Variants in RB1CC1 observed in about 807,000 individuals in gnomAD.
RB1CC1 encodes RB1-inducible coiled-coil protein 1.
RB1CC1 carries 46 observed loss-of-function variants against 177.5 expected under a neutral mutation model. That is an observed-to-expected ratio of 0.26 (90% confidence interval 0.20 to 0.33). The LOEUF (loss-of-function observed/expected upper bound fraction) is 0.33. Among genes scored for constraint, RB1CC1 ranks in the 10% least tolerant of loss-of-function variants. The probability of loss-of-function intolerance (pLI) is 1.00; values close to 1 mark genes in which losing one functional copy is unlikely to be tolerated. For synonymous variants in RB1CC1, 666 were observed against 613.6 expected, an observed-to-expected ratio of 1.09 and a Z score of -1.26; for missense variants, 1,703 against 1,816.3, an observed-to-expected ratio of 0.94 and a Z score of 1.13.
At chr8:52,689,293 A>G (rs945669995) in intron 1 of RB1CC1, among the ~76,000 whole-genome samples, 2 of 152,208 alleles carry the variant, frequency 1.3e-5, no homozygotes, top group Non-Finnish European at 2.9e-5. Flanking sequence ...AAGACATACG[A>G]ACATCAGCAA....
At position 52,664,611 on chromosome 8, in the gene RB1CC1, T is replaced by G. The variant is rs185280800; in HGVS notation, c.1174-2892A>C. On this transcript the variant is annotated intron_variant, in intron 8 of 23. Coordinates refer to ENST00000025008, the MANE Select transcript of RB1CC1 (RefSeq NM_014781.5). ...TCTATGAGCACAAGACAACAAAAAC[T>G]AATTTTGTAATATCCATAGGAACAG... Among the ~76,000 whole-genome samples the G allele has an allele frequency of 3.3e-4, 51 of 152,302 alleles. 1 individual carries two copies. In the East Asian group the frequency reaches 3.7e-3, roughly 11 times the overall value.
intron 1 of RB1CC1, among the ~76,000 whole-genome samples, chr8:52,702,093 C>T (rs1322810899): frequency 6.6e-6 from 1 of 152,186 alleles, no homozygotes; most frequent in Non-Finnish European, 1.5e-5. Context: ...CAGGCGTGAG[C>T]CACCTTGCAC....
chr8:52,633,731 G>A (rs1848925981), intron 20 of RB1CC1, among the ~76,000 whole-genome samples: 2 of 152,088 alleles, frequency 1.3e-5, no homozygotes, highest in Non-Finnish European at 2.9e-5. Flanking sequence ...CATATAATTG[G>A]CTGTAAAATG....
At chr8:52,661,437 C>T (rs1410845073) in intron 9 of RB1CC1, 98 bp downstream of exon 9, 2 of 1,451,954 alleles carry the variant, frequency 1.4e-6, no homozygotes, top group Non-Finnish European at 1.9e-6. Flanking sequence ...TAAGGTATTT[C>T]AATAAAATGG....
chr8:52,660,886 T>C, intron 11 of RB1CC1, 40 bp downstream of exon 11: 1 of 1,532,464 alleles, frequency 6.5e-7, no homozygotes, highest in South Asian at 1.2e-5. Context: ...AAAACTTTTA[T>C]CCTTTACAAA....
At chr8:52,695,845 T>C (rs114737964) in intron 1 of RB1CC1, among the ~76,000 whole-genome samples, 198 of 152,308 alleles carry the variant, frequency 1.3e-3, no homozygotes, top group African/African-American at 4.7e-3. Flanking sequence ...AGTGCTTTCC[T>C]TCGTTCCCTG....
intron 16 of RB1CC1, among the ~76,000 whole-genome samples, chr8:52,643,880 T>G (rs990135939): frequency 6.6e-6 from 1 of 151,830 alleles, no homozygotes; most frequent in Non-Finnish European, 1.5e-5. Flanking sequence ...ATGCTGGCAA[T>G]AGGGAGATTT....
chr8:52,684,036 A>C, intron 3 of RB1CC1, 23 bp from the exon 4 acceptor site: 5 of 1,602,888 alleles, frequency 3.1e-6, no homozygotes, highest in Non-Finnish European at 4.3e-6. Context: ...AAATAAAATA[A>C]ATCAGTTGTT....
At position 52,656,250 on chromosome 8, in the gene RB1CC1, T is replaced by C. The variant is rs751588507; in HGVS notation, c.3579A>G (p.Gln1193=). Residue 1193 remains glutamine, a synonymous_variant, in exon 15 of 24, where the codon CAA becomes CAG. Transcript: ENST00000025008. The part of the protein sequence containing the change: ...LDSELSALER[Q]KDEKITQQEE... ...CTTGTTGGGTAATTTTTTCATCTTT[T>C]TGTCTTTCAAGAGCACTCAATTCTG... is the stretch of plus-strand genomic sequence containing the variant. 1 of 1,613,326 alleles carries C rather than the reference T, an allele frequency of 6.2e-7. No individual in the cohort carries two copies. Among genetic ancestry groups the C allele is most frequent in the Non-Finnish European group, 8.5e-7 (1 of 1,179,808 alleles).
At chr8:52,697,497 GGAT>G in intron 1 of RB1CC1, among the ~76,000 whole-genome samples, 1 of 152,094 alleles carries the variant, frequency 6.6e-6, no homozygotes, top group East Asian at 1.9e-4. Context: ...ACTTTTGTTT[GGAT>G]GATAATGGCA....
chr8:52,689,007 C>T (rs1429599966), intron 1 of RB1CC1, among the ~76,000 whole-genome samples: 1 of 152,154 alleles, frequency 6.6e-6, no homozygotes, highest in Non-Finnish European at 1.5e-5. Flanking sequence ...ATCTCAGCCG[C>T]CTTACCTTTG....
chr8:52,672,165 A>G (rs1256585703), intron 7 of RB1CC1, among the ~76,000 whole-genome samples: 2 of 152,168 alleles, frequency 1.3e-5, no homozygotes, highest in South Asian at 2.1e-4. Context: ...TTCATTATTT[A>G]GAGATAGAGT....
In RB1CC1 at chr8:52,656,167, C is replaced by G. The variant is rs1452973602; in HGVS notation, c.3662G>C (p.Ser1221Thr). ...CTGTTCTCTGTCTTGCTCCTGGCTG[C>G]TGACCAATTTTTGTCTGTCTTTCTC... is the stretch of plus-strand genomic sequence containing the variant. ...NLEKDRQKLV[S>T]SQEQDREQLI... is the part of the protein sequence containing the mutation. The change falls in exon 15 of 24, where the codon AGC becomes ACC. Residue 1221 changes from serine (S) to threonine (T), a missense_variant. Ser to Thr is a moderately conservative substitution (Grantham distance 58, BLOSUM62 1). Transcript: ENST00000025008. 6.2e-7 allele frequency: 1 copy of G among 1,613,648 alleles called. No individual in the cohort carries two copies. The highest frequency in any genetic ancestry group is 8.5e-7 in the Non-Finnish European group (1 of 1,179,854).
chr8:52,652,179 T>A (rs1369474126), intron 15 of RB1CC1, among the ~76,000 whole-genome samples: 3 of 152,154 alleles, frequency 2.0e-5, no homozygotes, highest in African/African-American at 7.2e-5. Context: ...TAAAAAATCT[T>A]ATGTATGGCC....
intron 8 of RB1CC1, among the ~76,000 whole-genome samples, chr8:52,663,981 A>G (rs1396188260): frequency 6.6e-6 from 1 of 152,208 alleles, no homozygotes; most frequent in African/African-American, 2.4e-5. Context: ...ACTGTGGTAC[A>G]GGATAAGTAC....
intron 18 of RB1CC1, among the ~76,000 whole-genome samples, chr8:52,637,356 T>G (rs1849222935): frequency 6.6e-6 from 1 of 152,204 alleles, no homozygotes; most frequent in South Asian, 2.1e-4. Context: ...TTTTGGATGA[T>G]TCATTGCTAG....
chr8:52,630,911 T>G (rs1430263642), intron 20 of RB1CC1, among the ~76,000 whole-genome samples: 1 of 152,126 alleles, frequency 6.6e-6, no homozygotes, highest in Non-Finnish European at 1.5e-5. Flanking sequence ...CTTAGAAAAT[T>G]TCTTGGCAAG....
intron 20 of RB1CC1, among the ~76,000 whole-genome samples, chr8:52,632,212 T>C (rs1026610589): frequency 6.6e-6 from 1 of 152,162 alleles, no homozygotes; most frequent in Non-Finnish European, 1.5e-5. Flanking sequence ...TCTTTGAAGC[T>C]TGAAAGGGTG....
At chr8:52,712,909 A>G (rs1857176266) in intron 1 of RB1CC1, among the ~76,000 whole-genome samples, 1 of 152,204 alleles carries the variant, frequency 6.6e-6, no homozygotes, top group African/African-American at 2.4e-5. Context: ...AACTAAAATC[A>G]GCCACCTCCC....
Sources: gnomAD v4.1 joint callset for allele counts (sites outside exome capture counted in the v4.1 genomes callset) on GRCh38, gnomAD v4.1.1 for gene constraint, MANE v1.5 for transcripts, NCBI Gene and HGNC (gene_info 2026-07-23, HGNC 2026-07-21) for gene names.